CAPZB: variants seen among roughly 807,000 people sequenced by gnomAD.
CAPZB encodes F-actin-capping protein subunit beta.
In CAPZB, 2 loss-of-function variants were observed where a neutral mutation model predicts 38.1. That is an observed-to-expected ratio of 0.05 (90% CI 0.02 to 0.17). The LOEUF (loss-of-function observed/expected upper bound fraction) is 0.17, where lower values mean the gene tolerates loss of function less well. Ranked by LOEUF, CAPZB falls within the 10% of genes least tolerant of loss-of-function variation. The probability of loss-of-function intolerance (pLI) is 1.00; values close to 1 mark genes in which losing one functional copy is unlikely to be tolerated. For missense variants in CAPZB, 161 were observed against 334.2 expected (o/e 0.48, Z 4.04); for synonymous variants, 107 against 127.4 (o/e 0.84, Z 1.08).
chr1:19,441,416 AAG>A (rs1270346729), intron 1 of CAPZB, among the ~76,000 whole-genome samples: 1 of 152,204 alleles, frequency 6.6e-6, no homozygotes, highest in African/African-American at 2.4e-5. Context: ...AGCACAGGGA[AAG>A]AGGAGTTTTA....
At chr1:19,355,139 C>T (rs921321661) in intron 6 of CAPZB, among the ~76,000 whole-genome samples, 1 of 152,188 alleles carries the variant, frequency 6.6e-6, no homozygotes, top group African/African-American at 2.4e-5. Context: ...CCTTGCGCCA[C>T]TATTTTTTCA....
intron 3 of CAPZB, among the ~76,000 whole-genome samples, chr1:19,380,904 T>G (rs1359677936): frequency 6.6e-6 from 1 of 151,914 alleles, no homozygotes; most frequent in Non-Finnish European, 1.5e-5. Context: ...GCGCGGTAGC[T>G]CACACCTGCA....
chr1:19,384,798 G>A (rs1047638322), intron 3 of CAPZB, among the ~76,000 whole-genome samples: 1 of 152,130 alleles, frequency 6.6e-6, no homozygotes, highest in Non-Finnish European at 1.5e-5. Flanking sequence ...AAAAATAGAG[G>A]TATAACTCCT....
chr1:19,420,898 G>A (rs1339178167), intron 1 of CAPZB, among the ~76,000 whole-genome samples: 1 of 152,178 alleles, frequency 6.6e-6, no homozygotes, highest in East Asian at 1.9e-4. Context: ...AGGCAAGGCT[G>A]GTAAAATGCA....
chr1:19,412,107 G>C (rs1328295478), intron 2 of CAPZB, among the ~76,000 whole-genome samples: 1 of 152,226 alleles, frequency 6.6e-6, no homozygotes, highest in Non-Finnish European at 1.5e-5. Flanking sequence ...TACTGCTGGA[G>C]GCTTTTGGCT....
In CAPZB at chr1:19,449,243, T is replaced by C; in HGVS notation, c.4-29493A>G. On this transcript the variant is annotated intron_variant, in intron 1 of 8. Coordinates refer to ENST00000264202, the MANE Select transcript of CAPZB (RefSeq NM_004930.5). Reference sequence around the variant, plus strand: ...CGGAACCAGGACAACAGGAACAAAGTGGGGTCTTGACACTTGAAAATTCCG... The same window carrying C: ...CGGAACCAGGACAACAGGAACAAAGCGGGGTCTTGACACTTGAAAATTCCG... The C allele has an allele frequency of 3.6e-6, 4 of 1,100,788 alleles. No homozygotes were observed. In the South Asian group the frequency reaches 1.0e-4, roughly 29 times the overall value. The allele number at this position is 1,100,788 out of a possible 1,614,324, so 68.2% of individuals were successfully genotyped here. A position where few individuals can be genotyped will look rare whatever the true frequency, so the allele number is the denominator to read the frequency against.
intron 1 of CAPZB, among the ~76,000 whole-genome samples, chr1:19,423,861 G>C (rs12070859): frequency 6.6e-6 from 1 of 152,188 alleles, no homozygotes; most frequent in Non-Finnish European, 1.5e-5. Context: ...TAGTTTGGTA[G>C]AGATGGGGTT....
chr1:19,402,962 T>C (rs1041345533), intron 2 of CAPZB, among the ~76,000 whole-genome samples: 1 of 151,968 alleles, frequency 6.6e-6, no homozygotes, highest in Non-Finnish European at 1.5e-5. Context: ...GGCAGGAGAA[T>C]TGCTTGAACC....
intron 1 of CAPZB, among the ~76,000 whole-genome samples, chr1:19,445,570 T>C (rs1291081819): frequency 6.6e-6 from 1 of 152,182 alleles, no homozygotes; most frequent in Non-Finnish European, 1.5e-5. Flanking sequence ...ATAACTTGGT[T>C]CCCATTCTTC....
At chr1:19,418,018 C>G (rs1356576517) in intron 2 of CAPZB, among the ~76,000 whole-genome samples, 1 of 151,566 alleles carries the variant, frequency 6.6e-6, no homozygotes, top group Non-Finnish European at 1.5e-5. Context: ...CGCCTGTAAT[C>G]CCAGCTACTG....
chr1:19,349,684 T>C (rs1569892459), intron 6 of CAPZB, among the ~76,000 whole-genome samples: 1 of 152,298 alleles, frequency 6.6e-6, no homozygotes, highest in Middle Eastern at 3.4e-3. Flanking sequence ...TGTGCGACAC[T>C]GTCCCCAGGA....
At chr1:19,469,064 G>T (rs949295026) in intron 1 of CAPZB, among the ~76,000 whole-genome samples, 3 of 152,234 alleles carry the variant, frequency 2.0e-5, no homozygotes, top group Non-Finnish European at 4.4e-5. Flanking sequence ...CCCAAGCTGG[G>T]CACACAATAT....
At chr1:19,457,956 A>G (rs2094538147) in intron 1 of CAPZB, among the ~76,000 whole-genome samples, 1 of 152,196 alleles carries the variant, frequency 6.6e-6, no homozygotes, top group Non-Finnish European at 1.5e-5. Flanking sequence ...GCCAGTAAGC[A>G]ATGATGGTTG....
Position 19,339,397 on chromosome 1 carries a change from T to C in CAPZB, c.*133A>G. 1 of 740,538 alleles carries C rather than the reference T, an allele frequency of 1.4e-6. No homozygotes were observed. Among genetic ancestry groups the C allele is most frequent in the East Asian group, 2.4e-5 (1 of 40,870 alleles). The allele number at this position is 740,538 out of a possible 1,614,324, so 45.9% of individuals were successfully genotyped here. Reference sequence around the variant, plus strand: ...CTTTATTCTCAGGGAGAGATGGCGCTGTGCGGTCAATGATGCAGCTGTTAT... The same window carrying C: ...CTTTATTCTCAGGGAGAGATGGCGCCGTGCGGTCAATGATGCAGCTGTTAT... On this transcript the variant is annotated 3_prime_UTR_variant, in exon 9 of 9. Transcript: ENST00000264202.
At chr1:19,473,519 T>G (rs2094596747) in intron 1 of CAPZB, among the ~76,000 whole-genome samples, 1 of 152,220 alleles carries the variant, frequency 6.6e-6, no homozygotes, top group Non-Finnish European at 1.5e-5. Context: ...CTGTCCTTAG[T>G]GTGATCACTA....
intron 2 of CAPZB, among the ~76,000 whole-genome samples, chr1:19,393,855 T>G (rs1456354681): frequency 1.3e-5 from 2 of 152,198 alleles, no homozygotes; most frequent in Admixed American, 6.5e-5. Flanking sequence ...ACTCCTGGCG[T>G]GTGGGCAGGG....
chr1:19,362,813 C>T (rs1488092866), intron 4 of CAPZB, among the ~76,000 whole-genome samples: 1 of 152,112 alleles, frequency 6.6e-6, no homozygotes, highest in Non-Finnish European at 1.5e-5. Context: ...TCAGAGCTCC[C>T]CAGTGGCCAG....
At position 19,356,814 on chromosome 1, in the gene CAPZB, AG is replaced by A. The variant is rs1448342552; in HGVS notation, c.472-64del. ...GAGCCTGAAGTGGCCCCTGGAATTCAGGGTCATCCTAACATCTCCCTTCCTA... is the reference window on the plus strand; with the variant it reads ...GAGCCTGAAGTGGCCCCTGGAATTCAGGTCATCCTAACATCTCCCTTCCTA... On this transcript the variant is annotated intron_variant, in intron 5 of 8. Coordinates refer to ENST00000264202, the MANE Select transcript of CAPZB (RefSeq NM_004930.5). This position sits in a 1 kb window ranked among gnomAD's most constrained non-coding sequence, Gnocchi z 4.3. The A allele has an allele frequency of 2.9e-6, 3 of 1,026,536 alleles. No individual in the cohort carries two copies. The highest frequency in any genetic ancestry group is 4.5e-6 in the Non-Finnish European group (3 of 662,020). The allele number at this position is 1,026,536 out of a possible 1,614,324, so 63.6% of individuals were successfully genotyped here.
Position 19,349,692 on chromosome 1 carries a change from G to A in CAPZB, c.589-4440C>T, listed in dbSNP as rs370605365. Among the ~76,000 whole-genome samples, 10 of 152,316 alleles carry A rather than the reference G, an allele frequency of 6.6e-5. 1 individual carries two copies. Reference sequence around the variant, plus strand: ...CTTGCAGTGTGCGACACTGTCCCCAGGAGCAGACTGATCCCCTAGAACACA... The same window carrying A: ...CTTGCAGTGTGCGACACTGTCCCCAAGAGCAGACTGATCCCCTAGAACACA... On this transcript the variant is annotated intron_variant, in intron 6 of 8. Coordinates refer to ENST00000264202, the MANE Select transcript of CAPZB (RefSeq NM_004930.5).
Sources: allele counts gnomAD v4.1 joint callset (sites outside exome capture counted in the v4.1 genomes callset), GRCh38; gene constraint gnomAD v4.1.1; non-coding constraint Gnocchi (gnomAD v3.1); transcripts MANE v1.5; gene names NCBI Gene and HGNC (gene_info 2026-07-23, HGNC 2026-07-21).